The following B3GALT9 variants were observed in gnomAD, a reference collection of about 807,000 sequenced individuals.
The protein encoded by B3GALT9 is beta-1,3-galactosyltransferase 9.
intron 1 of B3GALT9, among the ~76,000 whole-genome samples, chr9:120,795,045 G>A (rs1426775463): frequency 1.3e-5 from 2 of 152,148 alleles, no homozygotes; most frequent in Non-Finnish European, 2.9e-5. Context: ...TGAAACATGG[G>A]AAATAAAAAT....
intron 1 of B3GALT9, among the ~76,000 whole-genome samples, chr9:120,794,370 C>T (rs1420430086): frequency 2.6e-5 from 4 of 151,380 alleles, no homozygotes; most frequent in South Asian, 4.2e-4. Context: ...CAACGTATCA[C>T]TCTGTCGCCC....
chr9:120,795,602 G>A (rs2044934367), intron 1 of B3GALT9, among the ~76,000 whole-genome samples: 1 of 152,156 alleles, frequency 6.6e-6, no homozygotes, highest in Non-Finnish European at 1.5e-5. Context: ...GATGGTTGCT[G>A]AGAAAACATA....
At chr9:120,797,120 GGAAAGAGAGAAA>G (rs1285018511) in intron 2 of B3GALT9, among the ~76,000 whole-genome samples, 2 of 150,890 alleles carry the variant, frequency 1.3e-5, no homozygotes, top group African/African-American at 4.9e-5. Context: ...GGAGACAGAG[GGAAAGAGAGAAA>G]GAAAGAGAAA....
At chr9:120,798,508 G>A in intron 2 of B3GALT9, 67 bp from the exon 3 acceptor site, 1 of 399,090 alleles carries the variant, frequency 2.5e-6, no homozygotes, top group Non-Finnish European at 4.4e-6. Context: ...TCCGTATAGG[G>A]TTCAATGAGG....
At position 120,801,383 on chromosome 9, in the gene B3GALT9, T is replaced by G. The variant is rs1165340002; in HGVS notation, c.*1705T>G. On this transcript the variant is annotated 3_prime_UTR_variant, in exon 3 of 3. Coordinates refer to ENST00000689072, the MANE Select transcript of B3GALT9 (RefSeq NM_001386823.1). ...ATTGAGCATTTTTTTTTCATATACCTGTTGGCCATTTGTACTTCTTCTTTT... is the reference window on the plus strand; with the variant it reads ...ATTGAGCATTTTTTTTTCATATACCGGTTGGCCATTTGTACTTCTTCTTTT... Among the ~76,000 whole-genome samples, 1 of 152,216 alleles carries G rather than the reference T, an allele frequency of 6.6e-6. No homozygotes were observed. Among genetic ancestry groups the G allele is most frequent in the Non-Finnish European group, 1.5e-5 (1 of 68,034 alleles).
At position 120,800,492 on chromosome 9, in the gene B3GALT9, A is replaced by G. The variant is rs555078287; in HGVS notation, c.*814A>G. On this transcript the variant is annotated 3_prime_UTR_variant, in exon 3 of 3. Coordinates refer to ENST00000689072, the MANE Select transcript of B3GALT9 (RefSeq NM_001386823.1). ...CGCTGGTCTTGAACTCCTGGGCTCAAGTGATCCTCCCACCTCAGCCTCCCA... is the reference window on the plus strand; with the variant it reads ...CGCTGGTCTTGAACTCCTGGGCTCAGGTGATCCTCCCACCTCAGCCTCCCA... Among the ~76,000 whole-genome samples, 2 of 152,200 alleles carry G rather than the reference A, an allele frequency of 1.3e-5. No individual in the cohort carries two copies. Among genetic ancestry groups the G allele is most frequent in the South Asian group, 2.1e-4 (1 of 4,814 alleles).
In B3GALT9 at chr9:120,800,399, G is replaced by T. The variant is rs1403139157; in HGVS notation, c.*721G>T. Among the ~76,000 whole-genome samples the T allele has an allele frequency of 6.6e-6, 1 of 151,912 alleles. No individual in the cohort carries two copies. The highest frequency in any genetic ancestry group is 1.9e-4 in the East Asian group (1 of 5,170). On this transcript the variant is annotated 3_prime_UTR_variant, in exon 3 of 3. Transcript: ENST00000689072. ...CTCCCAAAGTGCTGGGATTACAGGT[G>T]TGAGCCACCACGCCTGGCCTAATTT...
rs761171290 is a variant in B3GALT9, at chr9:120,801,655, G to T, written c.*1977G>T. ...CGCGGGAGGCTGACACAGGAAAATC[G>T]CTTGAATCCAGGAGGTGGAGGTTGC... On this transcript the variant is annotated 3_prime_UTR_variant, in exon 3 of 3. Transcript: ENST00000689072. Among the ~76,000 whole-genome samples, 1 of 152,196 alleles carries T rather than the reference G, an allele frequency of 6.6e-6. No homozygotes were observed. The highest frequency in any genetic ancestry group is 1.5e-5 in the Non-Finnish European group (1 of 68,040).
Position 120,798,771 on chromosome 9 carries a change from C to T in B3GALT9, c.203C>T (p.Ser68Phe). The T allele has an allele frequency of 2.5e-6, 1 of 399,030 alleles. No homozygotes were observed. The highest frequency in any genetic ancestry group is 4.4e-6 in the Non-Finnish European group (1 of 226,078). The allele number at this position is 399,030 out of a possible 1,614,324, so 24.7% of individuals were successfully genotyped here. The change falls in exon 3 of 3, where the codon TCC becomes TTC. Residue 68 changes from serine (S) to phenylalanine (F), a missense_variant. Ser to Phe is a radical substitution (Grantham distance 155). Coordinates refer to ENST00000689072, the MANE Select transcript of B3GALT9 (RefSeq NM_001386823.1). ...LNIEPLRSNLSKYYVLSQSEI... is the reference protein window; with the variant it reads ...LNIEPLRSNLFKYYVLSQSEI... The stretch of plus-strand genomic sequence containing the variant: ...ATCGAACCCCTAAGAAGTAATCTCT[C>T]CAAATATTATGTCCTGAGCCAGTCA...
rs887663156 is a variant in B3GALT9 at position 120,798,700 on chromosome 9, A to G, written c.132A>G (p.Ile44Met). ...ACTTTCTGCATTCTTTGCCTTATAT[A>G]GATGTGAAAGTTCTTGAAATTAAGA... is the stretch of plus-strand genomic sequence containing the variant. The part of the protein sequence containing the change: ...EEYFLHSLPY[I>M]DVKVLEIKNK... Residue 44 changes from isoleucine (I) to methionine (M), a missense_variant, in exon 3 of 3, where the codon ATA becomes ATG. Coordinates refer to ENST00000689072, the MANE Select transcript of B3GALT9 (RefSeq NM_001386823.1). 20 of 399,086 alleles carry G rather than the reference A, an allele frequency of 5.0e-5. No homozygotes were observed. Among genetic ancestry groups the G allele is most frequent in the African/African-American group, 3.9e-4 (19 of 48,630 alleles). 24.7% of individuals were successfully genotyped at this position (399,086 alleles called of 1,614,324 possible).
chr9:120,794,005 C>G (rs111332161), intron 1 of B3GALT9, 83 bp downstream of exon 1: 1 of 196,480 alleles, frequency 5.1e-6, no homozygotes, highest in East Asian at 1.2e-4. Context: ...GGCTGTGGCC[C>G]GGTTACTTAA....
rs544976556 is a variant in B3GALT9 at position 120,801,746 on chromosome 9, CAAAAT to C, written c.*2082_*2086del. 6.6e-6 allele frequency among the ~76,000 whole-genome samples: 1 copy of C among 151,990 alleles called. No homozygotes were observed. Among genetic ancestry groups the C allele is most frequent in the Non-Finnish European group, 1.5e-5 (1 of 68,002 alleles). On this transcript the variant is annotated 3_prime_UTR_variant, in exon 3 of 3. Transcript: ENST00000689072. ...CAGTCTGAGACTCTATCTCAAAAAA[CAAAAT>C]AAAATAAAATAAATAAAGTGATTTG...
chr9:120,797,833 C>T (rs1414490471), intron 2 of B3GALT9, among the ~76,000 whole-genome samples: 8 of 152,198 alleles, frequency 5.3e-5, no homozygotes, highest in Non-Finnish European at 1.0e-4. Flanking sequence ...TGTTATACTA[C>T]AATTCTGCAC....
chr9:120,801,194 A>G lies in B3GALT9; in HGVS notation c.*1516A>G, dbSNP rs1235067410. 6.6e-6 allele frequency among the ~76,000 whole-genome samples: 1 copy of G among 152,204 alleles called. No individual in the cohort carries two copies. Among genetic ancestry groups the G allele is most frequent in the Non-Finnish European group, 1.5e-5 (1 of 68,036 alleles). ...TGGGGAGTGCAGATATCTCTTTAACATACTGATTTAATATCTTTTGGATAT... is the reference window on the plus strand; with the variant it reads ...TGGGGAGTGCAGATATCTCTTTAACGTACTGATTTAATATCTTTTGGATAT... On this transcript the variant is annotated 3_prime_UTR_variant, in exon 3 of 3. Coordinates refer to ENST00000689072, the MANE Select transcript of B3GALT9 (RefSeq NM_001386823.1).
chr9:120,798,684 A>T lies in B3GALT9; in HGVS notation c.116A>T (p.His39Leu), dbSNP rs756394164. ...GACTTTGTGGAGGAATACTTTCTGC[A>T]TTCTTTGCCTTATATAGATGTGAAA... ...GTDFVEEYFL[H>L]SLPYIDVKVL... Residue 39 changes from histidine to leucine, a missense_variant, in exon 3 of 3, where the codon CAT (histidine) becomes CTT (leucine). His to Leu is a moderately conservative substitution (Grantham distance 99). Transcript: ENST00000689072. 2.8e-5 allele frequency: 11 copies of T among 399,202 alleles called. No individual in the cohort carries two copies. Among genetic ancestry groups the T allele is most frequent in the Non-Finnish European group, 4.4e-5 (10 of 226,140 alleles). 24.7% of individuals were successfully genotyped at this position (399,202 alleles called of 1,614,324 possible). A position where few individuals can be genotyped will look rare whatever the true frequency, so the allele number is the denominator to read the frequency against.
chr9:120,797,150 AAGAAAGAAAG>A lies in B3GALT9; in HGVS notation c.6+555_6+564del, dbSNP rs139840786. 9.2e-3 allele frequency among the ~76,000 whole-genome samples: 1,388 copies of A among 151,426 alleles called. 24 individuals carry two copies. The highest frequency in any genetic ancestry group is 0.032 in the African/African-American group (1,330 of 40,944). On this transcript the variant is annotated intron_variant, in intron 2 of 2. Coordinates refer to ENST00000689072, the MANE Select transcript of B3GALT9 (RefSeq NM_001386823.1). Reference sequence around the variant, plus strand: ...GAGAGAAAGAAAGAGAAAGAAAGAAAAGAAAGAAAGAGAAAGAAAGAGATAAGTAAAGATA... The same window carrying A: ...GAGAGAAAGAAAGAGAAAGAAAGAAAAGAAAGAAAGAGATAAGTAAAGATA...
chr9:120,797,115 CAGAG>C (rs1454331118), intron 2 of B3GALT9, among the ~76,000 whole-genome samples: 1 of 146,586 alleles, frequency 6.8e-6, no homozygotes, highest in African/African-American at 2.5e-5. Flanking sequence ...GAGGGGGAGA[CAGAG>C]GGAAAGAGAG....
chr9:120,794,778 G>C lies in B3GALT9; in HGVS notation c.-182+856G>C, dbSNP rs13283946. Among the ~76,000 whole-genome samples, 858 of 152,300 alleles carry C rather than the reference G, an allele frequency of 5.6e-3. 4 individuals carry two copies. Among genetic ancestry groups the C allele is most frequent in the Non-Finnish European group, 7.2e-3 (487 of 68,034 alleles). ...ACACTGTCCAATAAGCTTTTTGCCA[G>C]TGATGGAGTTGTTCTGTTGGTGCTG... On this transcript the variant is annotated intron_variant, in intron 1 of 2. Coordinates refer to ENST00000689072, the MANE Select transcript of B3GALT9 (RefSeq NM_001386823.1).
At chr9:120,794,310 C>T (rs2044917085) in intron 1 of B3GALT9, among the ~76,000 whole-genome samples, 1 of 151,824 alleles carries the variant, frequency 6.6e-6, no homozygotes, top group East Asian at 1.9e-4. Flanking sequence ...CATAGGATTT[C>T]AACCCAAACC....
Sources: gnomAD v4.1 joint callset for allele counts (sites outside exome capture counted in the v4.1 genomes callset) on GRCh38, gnomAD v4.1.1 for gene constraint, MANE v1.5 for transcripts, NCBI Gene and HGNC (gene_info 2026-07-23, HGNC 2026-07-21) for gene names.